Variants in GPM6A observed in about 807,000 individuals in gnomAD.
GPM6A encodes glycoprotein M6A.
Under a neutral mutation model 32.1 loss-of-function variants are expected in GPM6A, and 7 were observed. The ratio of observed to expected loss-of-function variants is 0.22; its 90% CI spans 0.12 to 0.41. The LOEUF (loss-of-function observed/expected upper bound fraction) is 0.41. Ranked by LOEUF, GPM6A falls within the 10% of genes least tolerant of loss-of-function variation. GPM6A has a pLI of 1.00. For missense variants in GPM6A, 235 were observed against 347.2 expected (o/e 0.68, Z 2.57); for synonymous variants, 130 against 123.4 (o/e 1.05, Z -0.35).
intron 1 of GPM6A, among the ~76,000 whole-genome samples, chr4:175,848,662 G>A (rs1221712035): frequency 1.3e-5 from 2 of 152,070 alleles, no homozygotes; most frequent in African/African-American, 4.8e-5. Flanking sequence ...TCCTGTACAC[G>A]TAAAATGAGA....
intron 1 of GPM6A, among the ~76,000 whole-genome samples, chr4:175,936,212 A>G (rs1005206025): frequency 6.9e-6 from 1 of 144,108 alleles, no homozygotes; most frequent in African/African-American, 2.6e-5. Context: ...AGGCTGAGGC[A>G]GGAGAATGGC....
chr4:175,768,508 A>G (rs925513329), intron 1 of GPM6A, among the ~76,000 whole-genome samples: 3 of 152,152 alleles, frequency 2.0e-5, no homozygotes, highest in Non-Finnish European at 4.4e-5. Flanking sequence ...GCAAACAGAA[A>G]AGAGAATAAA....
chr4:175,648,763 T>C (rs550503413), intron 4 of GPM6A, among the ~76,000 whole-genome samples: 3 of 152,282 alleles, frequency 2.0e-5, no homozygotes, highest in East Asian at 1.9e-4. Context: ...TCTGCCTTTT[T>C]TCTATAGTCT....
At chr4:175,940,274 A>T (rs1739364656) in intron 1 of GPM6A, among the ~76,000 whole-genome samples, 1 of 137,652 alleles carries the variant, frequency 7.3e-6, no homozygotes, top group Non-Finnish European at 1.6e-5. Context: ...TCTACAATAA[A>T]AATTACTTTT....
intron 3 of GPM6A, among the ~76,000 whole-genome samples, chr4:175,665,390 C>T (rs557252633): frequency 1.3e-4 from 19 of 151,830 alleles, no homozygotes; most frequent in Non-Finnish European, 2.5e-4. Flanking sequence ...CACATCAATC[C>T]GTGTAACAGA....
intron 1 of GPM6A, among the ~76,000 whole-genome samples, chr4:175,984,122 C>A (rs763170072): frequency 1.3e-5 from 2 of 151,834 alleles, no homozygotes; most frequent in African/African-American, 2.4e-5. Flanking sequence ...ATTACTTATT[C>A]CATGAAATTA....
At chr4:175,995,910 T>C (rs1741294672) in intron 1 of GPM6A, among the ~76,000 whole-genome samples, 1 of 146,632 alleles carries the variant, frequency 6.8e-6, no homozygotes, top group African/African-American at 2.7e-5. Flanking sequence ...TTCATACAGG[T>C]CAAGGCTTCA....
chr4:175,725,393 G>A (rs6813068), intron 1 of GPM6A, among the ~76,000 whole-genome samples: 85,114 of 151,142 alleles, frequency 0.56, 24,229 homozygotes, highest in Non-Finnish European at 0.61. Context: ...TTGGGCTCAA[G>A]TGATCTTACC....
chr4:175,709,657 G>A (rs1285342004), intron 1 of GPM6A, among the ~76,000 whole-genome samples: 2 of 149,976 alleles, frequency 1.3e-5, no homozygotes, highest in African/African-American at 4.9e-5. Flanking sequence ...GAACCCGGGA[G>A]GTGGAAGTTT....
chr4:175,813,855 C>G (rs907627900), upstream of GPM6A, among the ~76,000 whole-genome samples: 1 of 152,142 alleles, frequency 6.6e-6, no homozygotes, highest in African/African-American at 2.4e-5. Flanking sequence ...TTATTATTTT[C>G]TCTTTTCAAA....
chr4:175,713,204 T>C (rs1745649362), intron 1 of GPM6A, among the ~76,000 whole-genome samples: 1 of 152,164 alleles, frequency 6.6e-6, no homozygotes. Flanking sequence ...TTTTTATTTT[T>C]ATTTTTATTT....
chr4:175,661,677 G>A (rs1579354718), intron 3 of GPM6A, among the ~76,000 whole-genome samples: 1 of 152,076 alleles, frequency 6.6e-6, no homozygotes. Flanking sequence ...ATAAATGTTG[G>A]TACATCTCTT....
chr4:175,697,709 A>G (rs1306075505), intron 2 of GPM6A, among the ~76,000 whole-genome samples: 1 of 152,186 alleles, frequency 6.6e-6, no homozygotes, highest in African/African-American at 2.4e-5. Context: ...AATGAGTAAC[A>G]AAATCTTTGA....
At chr4:175,747,416 T>A (rs1732154347) in intron 1 of GPM6A, among the ~76,000 whole-genome samples, 1 of 152,142 alleles carries the variant, frequency 6.6e-6, no homozygotes, top group Non-Finnish European at 1.5e-5. Context: ...TGCACTATGC[T>A]TTAAATAGCT....
chr4:175,964,231 C>CA (rs928168932), intron 1 of GPM6A, among the ~76,000 whole-genome samples: 27 of 149,278 alleles, frequency 1.8e-4, no homozygotes, highest in South Asian at 1.1e-3. Context: ...TAAATACACT[C>CA]AAAAAAAAAG....
rs190016447 is a variant in GPM6A, at chr4:175,980,574, A to C, written c.-23+21735T>G. 5.3e-5 allele frequency among the ~76,000 whole-genome samples: 8 copies of C among 152,330 alleles called. 1 individual carries two copies. Among genetic ancestry groups the C allele is most frequent in the African/African-American group, 1.9e-4 (8 of 41,582 alleles). On this transcript the variant is annotated intron_variant, in intron 1 of 7. Coordinates refer to the GPM6A transcript ENST00000280187. ...AAATTTGTGAATGTTCTTCCTAAAT[A>C]AACTGGGGTTCTTAAAATGAGGATT...
chr4:175,940,241 GT>G (rs1460670432), intron 1 of GPM6A, among the ~76,000 whole-genome samples: 1 of 152,084 alleles, frequency 6.6e-6, no homozygotes, highest in African/African-American at 2.4e-5. Context: ...ATTCAGATAT[GT>G]TTGGGAGCAG....
intron 1 of GPM6A, among the ~76,000 whole-genome samples, chr4:175,771,198 CTCTGGCACAT>C (rs1733174221): frequency 6.6e-6 from 1 of 152,078 alleles, no homozygotes; most frequent in African/African-American, 2.4e-5. Flanking sequence ...AACATATAAT[CTCTGGCACAT>C]TCTAATTGGA....
intron 4 of GPM6A, among the ~76,000 whole-genome samples, chr4:175,645,784 C>T (rs1334251040): frequency 2.0e-5 from 3 of 152,094 alleles, no homozygotes; most frequent in African/African-American, 7.2e-5. Flanking sequence ...TGAGCAGATA[C>T]TTATGACACT....
Sources: allele counts gnomAD v4.1 joint callset (sites outside exome capture counted in the v4.1 genomes callset), GRCh38; gene constraint gnomAD v4.1.1; transcripts MANE v1.5; gene names NCBI Gene and HGNC (gene_info 2026-07-23, HGNC 2026-07-21).